The following POLE variants were observed in gnomAD, a reference collection of about 807,000 sequenced individuals.
The protein encoded by POLE is DNA polymerase epsilon, catalytic subunit, also known as DNA polymerase epsilon catalytic subunit A.
POLE carries 188 observed loss-of-function variants against 279.2 expected under a neutral mutation model. The observed-to-expected ratio is 0.67, with a 90% confidence interval of 0.60 to 0.76. The LOEUF is 0.76. POLE is among the 30% of genes least tolerant of loss of function. POLE has a pLI of 0.00. For missense variants in POLE, 2,703 were observed against 3,016.7 expected (o/e 0.90, Z 2.44); for synonymous variants, 1,214 against 1,172.5 (o/e 1.04, Z -0.72).
chr12:132,671,399 G>A (rs5744789), intron 16 of POLE, among the ~76,000 whole-genome samples: 78,731 of 150,184 alleles, frequency 0.52, 21,992 homozygotes, highest in East Asian at 0.7. Flanking sequence ...GGCCAGGCGC[G>A]GTGCCTCACA....
At chr12:132,660,891 G>T in intron 25 of POLE, 78 bp downstream of exon 25, 1 of 1,221,184 alleles carries the variant, frequency 8.2e-7, no homozygotes, top group Non-Finnish European at 1.1e-6. Flanking sequence ...GTCTCCAGGA[G>T]CCCAGGAAGC....
intron 43 of POLE, chr12:132,633,574 G>A (rs1367008698): frequency 6.6e-6 from 1 of 152,282 alleles, no homozygotes. Flanking sequence ...GAAGGCCTCT[G>A]TGACCGCATC....
rs1380833582 is a variant in POLE, at chr12:132,625,003, G to A, written c.6658-9C>T. On this transcript the variant is annotated splice_polypyrimidine_tract_variant and intron_variant, in intron 47 of 48. Transcript: ENST00000320574. ...CGGCACTTCAGGCAGACCTGAAAGGGAGCAGCCCCGATGGGCGCCAGCCCT... is the reference window on the plus strand; with the variant it reads ...CGGCACTTCAGGCAGACCTGAAAGGAAGCAGCCCCGATGGGCGCCAGCCCT... 2 of 1,610,948 alleles carry A rather than the reference G, an allele frequency of 1.2e-6. No homozygotes were observed. The highest frequency in any genetic ancestry group is 1.7e-6 in the Non-Finnish European group (2 of 1,177,708).
chr12:132,659,155 G>A (rs960879845), intron 26 of POLE, 140 bp downstream of exon 26: 12 of 826,006 alleles, frequency 1.5e-5, no homozygotes, highest in Non-Finnish European at 2.2e-5. Context: ...AATCTGTAAG[G>A]AACCCCTTAC....
chr12:132,641,611 T>A, intron 39 of POLE, 36 bp downstream of exon 39: 2 of 1,560,990 alleles, frequency 1.3e-6, no homozygotes, highest in Non-Finnish European at 1.8e-6. Context: ...ATAAGACCCT[T>A]CTATTAGTAA....
At chr12:132,669,262 C>T (rs895529451) in intron 16 of POLE, among the ~76,000 whole-genome samples, 1 of 151,940 alleles carries the variant, frequency 6.6e-6, no homozygotes, top group Non-Finnish European at 1.5e-5. Context: ...CCCAGGAGTT[C>T]GAGACCAGCC....
chr12:132,685,959 T>C (rs1247828999), intron 1 of POLE, among the ~76,000 whole-genome samples: 2 of 151,994 alleles, frequency 1.3e-5, no homozygotes, highest in Non-Finnish European at 2.9e-5. Flanking sequence ...CACCGCAACC[T>C]CCGCCTGCCG....
At chr12:132,679,855 C>A in intron 5 of POLE, 99 bp downstream of exon 5, 1 of 1,032,098 alleles carries the variant, frequency 9.7e-7, no homozygotes, top group South Asian at 1.5e-5. Context: ...CCCCATCACC[C>A]AACAGATGAC....
In POLE at chr12:132,657,370, G is replaced by A. The variant is rs1432352196; in HGVS notation, c.3438C>T (p.Thr1146=). Residue 1146 remains threonine (T), a synonymous_variant, in exon 28 of 49, where the codon ACC becomes ACT. Transcript: ENST00000320574. Reference sequence around the variant, plus strand: ...TTACCTGCTGCAGGGCCGCAGGGATGGTGATGATCTTCTGGATGGCGCTTC... The same window carrying A: ...TTACCTGCTGCAGGGCCGCAGGGATAGTGATGATCTTCTGGATGGCGCTTC... The part of the protein sequence containing the change: ...RLGSAIQKII[T]IPAALQQVKN... 6.2e-7 allele frequency: 1 copy of A among 1,613,982 alleles called. No individual in the cohort carries two copies. The highest frequency in any genetic ancestry group is 8.5e-7 in the Non-Finnish European group (1 of 1,180,028).
At chr12:132,655,832 T>C (rs1198300209) in intron 29 of POLE, among the ~76,000 whole-genome samples, 1 of 152,166 alleles carries the variant, frequency 6.6e-6, no homozygotes, top group South Asian at 2.1e-4. Context: ...CTTTTGCTTT[T>C]CCTGCGTCCT....
chr12:132,665,789 T>A (rs1482170558), intron 20 of POLE, among the ~76,000 whole-genome samples: 1 of 152,160 alleles, frequency 6.6e-6, no homozygotes, highest in East Asian at 1.9e-4. Flanking sequence ...ACCACAGATG[T>A]CTCATCAAAT....
rs1445280305 is a variant in POLE, at chr12:132,668,141, G to A, written c.2173+215C>T. ...GGTAGGAACAGGCCAAATACCCCAA[G>A]ACCACAGAGCAGCAGTGTCTAACAC... On this transcript the variant is annotated intron_variant, in intron 19 of 48. Transcript: ENST00000320574. The surrounding 1 kb of genome is among the most constrained non-coding windows in gnomAD (Gnocchi z 4.0). Among the ~76,000 whole-genome samples, 1 of 151,976 alleles carries A rather than the reference G, an allele frequency of 6.6e-6. No individual in the cohort carries two copies. Among genetic ancestry groups the A allele is most frequent in the Non-Finnish European group, 1.5e-5 (1 of 68,002 alleles).
In POLE at chr12:132,649,457, T is replaced by G. The variant is rs566217456; in HGVS notation, c.3854A>C (p.Gln1285Pro). 1 of 1,612,084 alleles carries G rather than the reference T, an allele frequency of 6.2e-7. No homozygotes were observed. Among genetic ancestry groups the G allele is most frequent in the Non-Finnish European group, 8.5e-7 (1 of 1,179,944 alleles). ...CTGCCTCTTCCTGCGGGCGAGGCGC[T>G]GCCGGGCCTGCAGCTGCCACTTCTT... Reference protein sequence around the residue: ...HKKKWQLQARQRLARRKRQRL... With the variant: ...HKKKWQLQARPRLARRKRQRL... The change falls in exon 31 of 49, where the codon CAG (glutamine) becomes CCG (proline). Residue 1285 changes from glutamine (Q) to proline (P), a missense_variant. Around this residue, in one of 5 missense-constraint regions of POLE, gnomAD observed 1,551 missense variants for 1,686.1 expected, o/e 0.92. Transcript: ENST00000320574.
chr12:132,663,814 G>A (rs534734980), intron 23 of POLE, among the ~76,000 whole-genome samples, 190 bp downstream of exon 23: 2 of 152,340 alleles, frequency 1.3e-5, no homozygotes, highest in African/African-American at 4.8e-5. Context: ...AATTCTGGGA[G>A]CTATGCTGAA....
rs60289510 is a variant in POLE, at chr12:132,636,441, GAAAAAAAAAA to G, written c.5679-427_5679-418del. Among the ~76,000 whole-genome samples the G allele has an allele frequency of 4.2e-3, 185 of 44,474 alleles. 1 individual carries two copies. The highest frequency in any genetic ancestry group is 0.018 in the African/African-American group (178 of 9,654). The allele number at this position is 44,474 out of a possible 152,430, so 29.2% of individuals were successfully genotyped here. A position where few individuals can be genotyped will look rare whatever the true frequency, so the allele number is the denominator to read the frequency against. ...CCTCTGCACATTAGATCCATTTAAGGAAAAAAAAAAAAAAAAAAAAAAAAAAAGAACAGGC... is the reference window on the plus strand; with the variant it reads ...CCTCTGCACATTAGATCCATTTAAGGAAAAAAAAAAAAAAAAAGAACAGGC... On this transcript the variant is annotated intron_variant, in intron 41 of 48. Transcript: ENST00000320574.
At chr12:132,642,035 C>T in intron 38 of POLE, 142 bp downstream of exon 38, 1 of 948,330 alleles carries the variant, frequency 1.1e-6, no homozygotes, top group Non-Finnish European at 1.6e-6. Context: ...ACCTTGACCC[C>T]AGGACCGTCT....
At position 132,638,039 on chromosome 12, in the gene POLE, C is replaced by A. The variant is rs748008084; in HGVS notation, c.5653G>T (p.Ala1885Ser). 1 of 1,613,988 alleles carries A rather than the reference C, an allele frequency of 6.2e-7. No individual in the cohort carries two copies. Among genetic ancestry groups the A allele is most frequent in the African/African-American group, 1.3e-5 (1 of 75,004 alleles). Residue 1885 changes from alanine (A) to serine (S), a missense_variant, in exon 41 of 49, where the codon GCT (alanine) becomes TCT (serine). Ala to Ser is a moderately conservative substitution (Grantham distance 99). Coordinates refer to ENST00000320574, the MANE Select transcript of POLE (RefSeq NM_006231.4). Reference sequence around the variant, plus strand: ...CTGCTGGTGATGTACTCCACGTAAGCGATGGCATCTTCCACACGGCGCTTC... The same window carrying A: ...CTGCTGGTGATGTACTCCACGTAAGAGATGGCATCTTCCACACGGCGCTTC... Reference protein sequence around the residue: ...TKKRRVEDAIAYVEYITSSIH... With the variant: ...TKKRRVEDAISYVEYITSSIH...
At chr12:132,626,068 C>T (rs2041831631) in intron 46 of POLE, 49 bp downstream of exon 46, 2 of 1,529,692 alleles carry the variant, frequency 1.3e-6, no homozygotes, top group Admixed American at 3.9e-5. Context: ...CCGCAGTGCC[C>T]TCGGATGTTC....
intron 23 of POLE, among the ~76,000 whole-genome samples, chr12:132,663,762 G>GT (rs1233570582): frequency 3.9e-5 from 6 of 152,220 alleles, no homozygotes; most frequent in Non-Finnish European, 8.8e-5. Flanking sequence ...GTAATTTCCT[G>GT]TAAGTTTAAA....
Sources: allele counts gnomAD v4.1 joint callset (sites outside exome capture counted in the v4.1 genomes callset), GRCh38; gene constraint gnomAD v4.1.1; regional missense constraint gnomAD v4.1.1; non-coding constraint Gnocchi (gnomAD v3.1); transcripts MANE v1.5; gene names NCBI Gene and HGNC (gene_info 2026-07-23, HGNC 2026-07-21).